ASIC2: variants seen among roughly 807,000 people sequenced by gnomAD.
ASIC2 encodes acid-sensing ion channel 2.
Under a neutral mutation model 57.3 loss-of-function variants are expected in ASIC2, and 25 were observed. The ratio of observed to expected loss-of-function variants is 0.44; its 90% CI spans 0.32 to 0.61. The LOEUF (loss-of-function observed/expected upper bound fraction) is 0.61, where lower values mean the gene tolerates loss of function less well. Among genes scored for constraint, ASIC2 ranks in the 20% least tolerant of loss-of-function variants. ASIC2 has a pLI of 0.06. For synonymous variants in ASIC2, 319 were observed against 307.5 expected, an observed-to-expected ratio of 1.04 and a Z score of -0.39; for missense variants, 641 against 738.1, an observed-to-expected ratio of 0.87 and a Z score of 1.52.
intron 1 of ASIC2, among the ~76,000 whole-genome samples, chr17:33,151,741 A>G (rs919626515): frequency 6.6e-6 from 1 of 152,194 alleles, no homozygotes; most frequent in Admixed American, 6.5e-5. Context: ...TCCTTCTGCC[A>G]TGGGATGACG....
chr17:33,799,407 CT>C lies in ASIC2; in HGVS notation c.555+356570del, dbSNP rs1241683502. ...CTTTCTTTCTTTCTTTCTTTCTTTT[CT>C]TTCTTTCTTTCTTTCTTTCTTCTTT... On this transcript the variant is annotated intron_variant, in intron 1 of 9. Transcript: ENST00000359872. 2.5e-3 allele frequency among the ~76,000 whole-genome samples: 121 copies of C among 48,792 alleles called. 2 individuals carry two copies. Among genetic ancestry groups the C allele is most frequent in the Non-Finnish European group, 3.6e-3 (81 of 22,498 alleles). The allele number at this position is 48,792 out of a possible 152,430, so 32.0% of individuals were successfully genotyped here. A position where few individuals can be genotyped will look rare whatever the true frequency, so the allele number is the denominator to read the frequency against.
chr17:33,662,668 TAAGTA>T (rs1907319207), intron 1 of ASIC2, among the ~76,000 whole-genome samples: 1 of 128,050 alleles, frequency 7.8e-6, no homozygotes. Flanking sequence ...AATAAATAAA[TAAGTA>T]AAATAAAAAA....
intron 1 of ASIC2, chr17:33,569,129 G>A (rs771278705): frequency 6.6e-6 from 1 of 152,220 alleles, no homozygotes; most frequent in Non-Finnish European, 1.5e-5. Context: ...TCTCACCCAG[G>A]AAGTTTCATT....
chr17:33,948,212 C>T (rs1426522993), intron 1 of ASIC2, among the ~76,000 whole-genome samples: 2 of 152,196 alleles, frequency 1.3e-5, no homozygotes, highest in East Asian at 3.9e-4. Flanking sequence ...TGAATTTGAC[C>T]TCTGCTGTCT....
At chr17:34,038,624 C>T (rs1907982399) in intron 1 of ASIC2, 9 of 1,597,348 alleles carry the variant, frequency 5.6e-6, no homozygotes, top group Non-Finnish European at 7.7e-6. Context: ...TTTTACTTCC[C>T]TGATATGTAG....
intron 3 of ASIC2, among the ~76,000 whole-genome samples, chr17:33,037,770 C>G (rs1432322920): frequency 6.6e-6 from 1 of 152,120 alleles, no homozygotes; most frequent in Non-Finnish European, 1.5e-5. Flanking sequence ...GGTAGGTAGG[C>G]ACATTATAAG....
intron 7 of ASIC2, among the ~76,000 whole-genome samples, chr17:33,020,268 A>G (rs567806802): frequency 1.1e-4 from 16 of 152,160 alleles, no homozygotes; most frequent in African/African-American, 3.4e-4. Context: ...ATGTTTAACC[A>G]TCACAACAAG....
intron 1 of ASIC2, among the ~76,000 whole-genome samples, chr17:33,844,400 G>A (rs1015561187): frequency 6.6e-6 from 1 of 152,140 alleles, no homozygotes. Context: ...AGACATGTGG[G>A]CAGGACCATT....
intron 1 of ASIC2, among the ~76,000 whole-genome samples, chr17:33,430,374 C>T (rs1177757655): frequency 6.6e-6 from 1 of 152,040 alleles, no homozygotes; most frequent in East Asian, 1.9e-4. Flanking sequence ...GCAGAGGCAT[C>T]AAGAGTAGGG....
At chr17:33,194,435 T>A (rs1408013815) in intron 1 of ASIC2, among the ~76,000 whole-genome samples, 1 of 152,188 alleles carries the variant, frequency 6.6e-6, no homozygotes, top group Middle Eastern at 3.2e-3. Context: ...ACAGGATAGA[T>A]ATGAAATTGC....
chr17:33,844,241 A>G (rs1913518029), intron 1 of ASIC2, among the ~76,000 whole-genome samples: 1 of 152,238 alleles, frequency 6.6e-6, no homozygotes, highest in Admixed American at 6.5e-5. Context: ...TTTACTAATT[A>G]AAATATATTA....
chr17:33,842,868 T>A (rs1952312198), intron 1 of ASIC2, among the ~76,000 whole-genome samples: 1 of 151,998 alleles, frequency 6.6e-6, no homozygotes, highest in Non-Finnish European at 1.5e-5. Flanking sequence ...AGGAATTAGA[T>A]GGGTTTGGAG....
At chr17:33,456,413 C>T (rs972142708) in intron 1 of ASIC2, among the ~76,000 whole-genome samples, 1 of 152,152 alleles carries the variant, frequency 6.6e-6, no homozygotes, top group East Asian at 1.9e-4. Context: ...TATCCCCATC[C>T]CCCCTTCAGT....
intron 1 of ASIC2, among the ~76,000 whole-genome samples, chr17:33,844,904 T>C (rs1913537818): frequency 6.6e-6 from 1 of 152,224 alleles, no homozygotes; most frequent in Admixed American, 6.5e-5. Flanking sequence ...AGTATCCCCA[T>C]TTTACAGATG....
chr17:33,118,708 G>A (rs1289570536), intron 1 of ASIC2, among the ~76,000 whole-genome samples: 1 of 152,168 alleles, frequency 6.6e-6, no homozygotes, highest in African/African-American at 2.4e-5. Context: ...GGGGTGAAAT[G>A]ACTTGTCCCA....
At chr17:33,853,564 A>G (rs1369141960) in intron 1 of ASIC2, among the ~76,000 whole-genome samples, 1 of 152,210 alleles carries the variant, frequency 6.6e-6, no homozygotes, top group Non-Finnish European at 1.5e-5. Context: ...TGTCATCAAG[A>G]TCCTGTAAGA....
At chr17:33,644,451 T>G (rs1381814098) in intron 1 of ASIC2, among the ~76,000 whole-genome samples, 1 of 152,242 alleles carries the variant, frequency 6.6e-6, no homozygotes, top group Non-Finnish European at 1.5e-5. Flanking sequence ...TGATCTCTCC[T>G]GTGATGTTTC....
At chr17:33,811,446 G>GT (rs977711208) in intron 1 of ASIC2, among the ~76,000 whole-genome samples, 14 of 152,148 alleles carry the variant, frequency 9.2e-5, no homozygotes, top group African/African-American at 3.1e-4. Flanking sequence ...AACATTTTGG[G>GT]TTTTTTTGCA....
chr17:33,227,136 AG>A (rs951526530), intron 1 of ASIC2, among the ~76,000 whole-genome samples: 7 of 152,218 alleles, frequency 4.6e-5, no homozygotes, highest in African/African-American at 1.7e-4. Context: ...CTTGGCAGCG[AG>A]GCCCAAGGCC....
Sources: gnomAD v4.1 joint callset for allele counts (sites outside exome capture counted in the v4.1 genomes callset) on GRCh38, gnomAD v4.1.1 for gene constraint, MANE v1.5 for transcripts, NCBI Gene and HGNC (gene_info 2026-07-23, HGNC 2026-07-21) for gene names.